The following COL28A1 variants were observed in gnomAD, a reference collection of about 807,000 sequenced individuals.
COL28A1 encodes the protein collagen type XXVIII alpha 1 chain.
COL28A1 carries 161 observed loss-of-function variants against 150.2 expected under a neutral mutation model. The ratio of observed to expected loss-of-function variants is 1.07; its 90% CI spans 0.94 to 1.22. The LOEUF (loss-of-function observed/expected upper bound fraction) is 1.22, where lower values mean the gene tolerates loss of function less well. Ranked by LOEUF, COL28A1 falls within the 50% of genes most tolerant of loss-of-function variation. COL28A1 has a pLI of 0.00. For missense variants in COL28A1, 1,617 were observed against 1,388.3 expected, an observed-to-expected ratio of 1.16 and a Z score of -2.62; for synonymous variants, 552 against 469.7, an observed-to-expected ratio of 1.18 and a Z score of -2.26.
At chr7:7,452,529 G>A (rs759198263) in intron 17 of COL28A1, 142 bp from the exon 18 acceptor site, 2 of 1,257,650 alleles carry the variant, frequency 1.6e-6, no homozygotes, top group South Asian at 1.9e-5. Context: ...TCCCTTCGGG[G>A]GATGGATTTG....
intron 27 of COL28A1, among the ~76,000 whole-genome samples, chr7:7,381,939 G>A (rs1781896439): frequency 6.6e-6 from 1 of 152,128 alleles, no homozygotes; most frequent in Admixed American, 6.5e-5. Context: ...ATAACAGATA[G>A]CTGCTATTTC....
chr7:7,383,564 C>A (rs1156282461), intron 27 of COL28A1, among the ~76,000 whole-genome samples: 2 of 151,504 alleles, frequency 1.3e-5, no homozygotes, highest in African/African-American at 4.8e-5. Flanking sequence ...CAGGCATGAG[C>A]CACCACACCT....
At chr7:7,481,629 A>G (rs779913031) in intron 13 of COL28A1, among the ~76,000 whole-genome samples, 11 of 152,202 alleles carry the variant, frequency 7.2e-5, no homozygotes, top group Non-Finnish European at 1.5e-4. Context: ...ATTATCAGTT[A>G]ACACAGCCTG....
chr7:7,400,003 T>G (rs1007079961), intron 27 of COL28A1, among the ~76,000 whole-genome samples: 1 of 152,252 alleles, frequency 6.6e-6, no homozygotes, highest in Admixed American at 6.5e-5. Flanking sequence ...TCCCTCTGTA[T>G]ATTTTTCTGA....
chr7:7,384,168 T>G (rs1782051562), intron 27 of COL28A1, among the ~76,000 whole-genome samples: 1 of 152,178 alleles, frequency 6.6e-6, no homozygotes, highest in African/African-American at 2.4e-5. Context: ...AGAACTTAAT[T>G]CACTGAATGT....
chr7:7,482,351 C>T (rs987889778), intron 13 of COL28A1, among the ~76,000 whole-genome samples: 44 of 152,078 alleles, frequency 2.9e-4, no homozygotes, highest in African/African-American at 9.9e-4. Flanking sequence ...ATGGTGAAAA[C>T]CCATCTCTAT....
intron 30 of COL28A1, among the ~76,000 whole-genome samples, chr7:7,379,257 C>A (rs1781733017): frequency 6.6e-6 from 1 of 152,210 alleles, no homozygotes; most frequent in South Asian, 2.1e-4. Flanking sequence ...GAGCCTGTCA[C>A]ACACTAAATT....
chr7:7,388,542 C>G (rs1782339254), intron 27 of COL28A1, among the ~76,000 whole-genome samples: 1 of 152,152 alleles, frequency 6.6e-6, no homozygotes, highest in Non-Finnish European at 1.5e-5. Flanking sequence ...ATTGCTGGGT[C>G]AAATGGTATT....
chr7:7,452,151 T>C (rs1471446634), intron 18 of COL28A1, among the ~76,000 whole-genome samples, 168 bp downstream of exon 18: 1 of 152,226 alleles, frequency 6.6e-6, no homozygotes, highest in African/African-American at 2.4e-5. Flanking sequence ...AAGCCATACG[T>C]GTAATTATAG....
chr7:7,529,900 A>G (rs1011994789), intron 3 of COL28A1, among the ~76,000 whole-genome samples: 1 of 152,130 alleles, frequency 6.6e-6, no homozygotes, highest in Non-Finnish European at 1.5e-5. Context: ...CTTTCATGCA[A>G]AAGAGCTGCT....
intron 18 of COL28A1, among the ~76,000 whole-genome samples, chr7:7,447,437 T>A (rs1040949255): frequency 6.6e-6 from 1 of 151,276 alleles, no homozygotes; most frequent in Non-Finnish European, 1.5e-5. Context: ...TTAATAATAA[T>A]ATTTAATTTA....
the COL28A1 span, among the ~76,000 whole-genome samples, chr7:7,338,996 T>A: frequency 6.6e-6 from 1 of 151,882 alleles, no homozygotes; most frequent in African/African-American, 2.4e-5. Context: ...AATAAAAAAA[T>A]CAACTTCCAA....
At chr7:7,424,071 A>G (rs1204094435) in intron 25 of COL28A1, among the ~76,000 whole-genome samples, 1 of 149,762 alleles carries the variant, frequency 6.7e-6, no homozygotes, top group Non-Finnish European at 1.5e-5. Flanking sequence ...AATCTTTTGT[A>G]TCTTTCAAAC....
chr7:7,446,878 A>C (rs1786303049), intron 18 of COL28A1, among the ~76,000 whole-genome samples: 1 of 152,230 alleles, frequency 6.6e-6, no homozygotes, highest in African/African-American at 2.4e-5. Context: ...AAAGAGTTAC[A>C]CAGAGAAAAC....
At chr7:7,374,042 T>A (rs939358347) in intron 31 of COL28A1, among the ~76,000 whole-genome samples, 7,024 of 124,310 alleles carry the variant, frequency 0.057, 518 homozygotes, top group African/African-American at 0.22. Context: ...AAAAAAAATA[T>A]ATATATATAT....
chr7:7,401,483 C>T (rs531909049), intron 27 of COL28A1, among the ~76,000 whole-genome samples: 7 of 152,286 alleles, frequency 4.6e-5, no homozygotes, highest in African/African-American at 1.7e-4. Flanking sequence ...TTTCTCAACA[C>T]CTACCTATTA....
Position 7,436,379 on chromosome 7 carries a change from C to T in COL28A1, c.1860+16G>A, listed in dbSNP as rs1342714891. 3 of 1,173,558 alleles carry T rather than the reference C, an allele frequency of 2.6e-6. No individual in the cohort carries two copies. Among genetic ancestry groups the T allele is most frequent in the Admixed American group, 1.7e-5 (1 of 59,072 alleles). The allele number at this position is 1,173,558 out of a possible 1,614,324, so 72.7% of individuals were successfully genotyped here. A position where few individuals can be genotyped will look rare whatever the true frequency, so the allele number is the denominator to read the frequency against. ...TTCAGATACAGAAAAACAAAAAGAA[C>T]ATGAATAAAGCATACCTTTGGTCCT... On this transcript the variant is annotated intron_variant, in intron 23 of 34. Coordinates refer to ENST00000399429, the MANE Select transcript of COL28A1 (RefSeq NM_001037763.3).
At chr7:7,376,588 A>G (rs892569825) in intron 30 of COL28A1, among the ~76,000 whole-genome samples, 3 of 152,118 alleles carry the variant, frequency 2.0e-5, no homozygotes, top group Non-Finnish European at 4.4e-5. Context: ...CGCATTTAAA[A>G]AGGCATTTAA....
At chr7:7,499,087 T>C (rs545190388) in intron 11 of COL28A1, among the ~76,000 whole-genome samples, 2 of 152,246 alleles carry the variant, frequency 1.3e-5, no homozygotes, top group East Asian at 3.9e-4. Flanking sequence ...ATAAGCTCAT[T>C]TAGAGTCTTG....
Sources: allele counts gnomAD v4.1 joint callset (sites outside exome capture counted in the v4.1 genomes callset), GRCh38; gene constraint gnomAD v4.1.1; transcripts MANE v1.5; gene names NCBI Gene and HGNC (gene_info 2026-07-23, HGNC 2026-07-21).